The following ATR variants were observed in gnomAD, a reference collection of about 807,000 sequenced individuals.
The protein encoded by ATR is ATR checkpoint kinase.
ATR carries 142 observed loss-of-function variants against 305.3 expected under a neutral mutation model. That is an observed-to-expected ratio of 0.47 (90% CI 0.41 to 0.53). The LOEUF (loss-of-function observed/expected upper bound fraction) is 0.53. ATR is among the 20% of genes least tolerant of loss of function. ATR has a pLI of 0.00. For synonymous variants in ATR, 1,050 were observed against 1,068.1 expected (o/e 0.98, Z 0.33); for missense variants, 2,135 against 3,133.1 (o/e 0.68, Z 7.60).
At chr3:142,508,466 G>A (rs1015801335) in intron 27 of ATR, among the ~76,000 whole-genome samples, 2 of 152,032 alleles carry the variant, frequency 1.3e-5, no homozygotes, top group Non-Finnish European at 2.9e-5. Context: ...AAAGATACAA[G>A]ATTAGTCATT....
In ATR at chr3:142,508,022, C is replaced by T. The variant is rs758322712; in HGVS notation, c.4940G>A (p.Arg1647His). ...TACAGCTCGTGTGTATGCTTTGGAG[C>T]GAAAGGAAGCTACTGCCAGAGTATC... ...PQDTLAVASF[R>H]SKAYTRAVMH... is the part of the protein sequence containing the mutation. The change falls in exon 28 of 47, where the codon CGC becomes CAC. Residue 1647 changes from arginine to histidine, a missense_variant. Arg to His is a conservative substitution (Grantham distance 29, BLOSUM62 0). Around this residue, in one of 9 missense-constraint regions of ATR, gnomAD observed 45 missense variants for 80.4 expected, o/e 0.56. Transcript: ENST00000350721. 9 of 1,612,734 alleles carry T rather than the reference C, an allele frequency of 5.6e-6. No homozygotes were observed. Among genetic ancestry groups the T allele is most frequent in the Admixed American group, 3.3e-5 (2 of 59,888 alleles).
intron 38 of ATR, 129 bp downstream of exon 38, chr3:142,469,208 A>G: frequency 1.5e-6 from 1 of 659,952 alleles, no homozygotes; most frequent in Non-Finnish European, 2.5e-6. Context: ...TTAAAAAAAT[A>G]TTTAAAATTA....
chr3:142,572,373 T>C (rs1160696497), intron 1 of ATR, among the ~76,000 whole-genome samples: 1 of 42,640 alleles, frequency 2.3e-5, no homozygotes, highest in African/African-American at 1.8e-4. Flanking sequence ...CCGGCCTGAC[T>C]TTTTTTTTTT....
chr3:142,539,811 CA>C (rs1431006278), intron 18 of ATR, among the ~76,000 whole-genome samples: 1 of 151,978 alleles, frequency 6.6e-6, no homozygotes, highest in Non-Finnish European at 1.5e-5. Flanking sequence ...CTAGTAAATA[CA>C]GAAGGAATAA....
intron 1 of ATR, among the ~76,000 whole-genome samples, chr3:142,572,228 C>T (rs1351724562): frequency 6.6e-6 from 1 of 151,790 alleles, no homozygotes; most frequent in Non-Finnish European, 1.5e-5. Context: ...TGCCACCACG[C>T]CCGGCTAATT....
intron 13 of ATR, among the ~76,000 whole-genome samples, chr3:142,552,752 T>C (rs528990438): frequency 5.4e-5 from 8 of 149,348 alleles, no homozygotes; most frequent in African/African-American, 1.7e-4. Flanking sequence ...ATATGGTACA[T>C]ATACACCATG....
intron 7 of ATR, 51 bp from the exon 8 acceptor site, chr3:142,558,827 C>A (rs765303424): frequency 3.3e-6 from 5 of 1,505,082 alleles, no homozygotes; most frequent in Non-Finnish European, 4.6e-6. Flanking sequence ...TTAATCATAT[C>A]TCTTTTAAAT....
chr3:142,562,030 C>T (rs2034899956), intron 4 of ATR, among the ~76,000 whole-genome samples: 1 of 152,080 alleles, frequency 6.6e-6, no homozygotes, highest in African/African-American at 2.4e-5. Context: ...CAGTTCATTA[C>T]CAACTTAATG....
chr3:142,575,154 C>T (rs543082095), intron 1 of ATR, among the ~76,000 whole-genome samples: 33 of 152,284 alleles, frequency 2.2e-4, no homozygotes, highest in Admixed American at 1.8e-3. Context: ...GCCTACCCCT[C>T]CCTGTTTAAC....
At chr3:142,564,339 CT>C (rs773818637) in intron 3 of ATR, among the ~76,000 whole-genome samples, 3 of 152,196 alleles carry the variant, frequency 2.0e-5, no homozygotes, top group Non-Finnish European at 4.4e-5. Flanking sequence ...AAGGTCCTAG[CT>C]TTCCACTTAC....
intron 21 of ATR, among the ~76,000 whole-genome samples, chr3:142,534,824 C>T (rs2033794669): frequency 1.3e-5 from 2 of 152,134 alleles, no homozygotes; most frequent in South Asian, 2.1e-4. Flanking sequence ...TACATGTTTA[C>T]TTACGAAGAT....
chr3:142,478,822 T>C (rs2030162818), intron 36 of ATR, among the ~76,000 whole-genome samples: 1 of 152,184 alleles, frequency 6.6e-6, no homozygotes, highest in African/African-American at 2.4e-5. Context: ...CTTGTTGAAT[T>C]GATCCCTTTA....
At chr3:142,465,044 T>C (rs965553093) in intron 41 of ATR, 53 bp downstream of exon 41, 4 of 1,213,680 alleles carry the variant, frequency 3.3e-6, no homozygotes, top group African/African-American at 3.2e-5. Context: ...TAGTCAAAAA[T>C]TTTTTTAAAA....
rs745882886 is a variant in ATR, at chr3:142,496,407, C to T, written c.5852G>A (p.Arg1951Gln). 4.4e-6 allele frequency: 7 copies of T among 1,600,624 alleles called. No individual in the cohort carries two copies. Among genetic ancestry groups the T allele is most frequent in the Non-Finnish European group, 5.1e-6 (6 of 1,174,902 alleles). ...YNALLNAGES[R>Q]LAELYVERAK... ...CCTTTCCACGTACAGTTCAGCGAGT[C>T]GTGATTCCCCTGCATTAAGGAGAGC... is the stretch of plus-strand genomic sequence containing the variant. Residue 1951 changes from arginine to glutamine, a missense_variant, in exon 34 of 47, where the codon CGA becomes CAA. Around this residue, in one of 9 missense-constraint regions of ATR, gnomAD observed 462 missense variants for 887.6 expected, o/e 0.52. Coordinates refer to ENST00000350721, the MANE Select transcript of ATR (RefSeq NM_001184.4).
chr3:142,493,738 C>G (rs1222609282), intron 34 of ATR, among the ~76,000 whole-genome samples: 1 of 151,768 alleles, frequency 6.6e-6, no homozygotes, highest in Non-Finnish European at 1.5e-5. Flanking sequence ...TGTAGTGGCT[C>G]ATGCCTATAA....
chr3:142,480,470 G>A (rs370567249), intron 36 of ATR, among the ~76,000 whole-genome samples: 27 of 152,302 alleles, frequency 1.8e-4, no homozygotes, highest in Admixed American at 5.2e-4. Flanking sequence ...AGGGGTACCC[G>A]GCCGTGTGAG....
chr3:142,510,115 G>GAAAAAAA (rs397760180), intron 27 of ATR, among the ~76,000 whole-genome samples: 1 of 95,290 alleles, frequency 1.0e-5, no homozygotes, highest in Non-Finnish European at 2.0e-5. Context: ...GACTGTCTCA[G>GAAAAAAA]AAAAAAAAAA....
intron 27 of ATR, 91 bp from the exon 28 acceptor site, chr3:142,508,200 AAAC>A: frequency 1.9e-6 from 2 of 1,075,138 alleles, no homozygotes. Flanking sequence ...TTATTTCACT[AAAC>A]AAATTAATCT....
chr3:142,515,317 T>C, intron 25 of ATR, 78 bp downstream of exon 25: 1 of 1,549,042 alleles, frequency 6.5e-7, no homozygotes, highest in Non-Finnish European at 8.9e-7. Context: ...GATTATTGTG[T>C]GTGCTAGGCA....
Sources: gnomAD v4.1 joint callset for allele counts (sites outside exome capture counted in the v4.1 genomes callset) on GRCh38, gnomAD v4.1.1 for gene constraint, gnomAD v4.1.1 regional missense constraint, MANE v1.5 for transcripts, NCBI Gene and HGNC (gene_info 2026-07-23, HGNC 2026-07-21) for gene names.